Variants in CD52 observed in about 807,000 individuals in gnomAD.
The protein encoded by CD52 is CAMPATH-1 antigen.
CD52 carries 2 observed loss-of-function variants against 2.5 expected under a neutral mutation model. The observed-to-expected ratio is 0.79, with a 90% confidence interval of 0.32 to 2.48. CD52 has a LOEUF of 2.48. Ranked by LOEUF, CD52 falls within the 30% of genes most tolerant of loss-of-function variation. CD52 has a pLI of 0.11. For missense variants in CD52, 62 were observed against 75.8 expected (o/e 0.82, Z 0.68); for synonymous variants, 24 against 27.7 (o/e 0.87, Z 0.42).
At chr1:26,319,440 G>A (rs890965148) in intron 1 of CD52, among the ~76,000 whole-genome samples, 2 of 147,846 alleles carry the variant, frequency 1.4e-5, no homozygotes, top group Non-Finnish European at 3.0e-5. Flanking sequence ...GCCTGGGCGG[G>A]CGACAGAGCA....
At position 26,319,388 on chromosome 1, in the gene CD52, G is replaced by A. The variant is rs552067679; in HGVS notation, c.55-783G>A. On this transcript the variant is annotated intron_variant, in intron 1 of 1. Coordinates refer to ENST00000374213, the MANE Select transcript of CD52 (RefSeq NM_001803.3). ...GGCAGGAGAATGGCGTGAACCTGGG[G>A]GTGAAGCTTGCAGTGAGCCGAGATC... Among the ~76,000 whole-genome samples, 96 of 151,604 alleles carry A rather than the reference G, an allele frequency of 6.3e-4. 1 individual carries two copies. Among genetic ancestry groups the A allele is most frequent in the African/African-American group, 2.2e-3 (92 of 41,266 alleles).
At chr1:26,319,494 A>G (rs12143663) in intron 1 of CD52, among the ~76,000 whole-genome samples, 129,772 of 148,492 alleles carry the variant, frequency 0.87, 57,706 homozygotes, top group Non-Finnish European at 0.93. Flanking sequence ...TGGGCGTGAT[A>G]GCGGCTGCCT....
At chr1:26,318,233 C>T in intron 1 of CD52, 162 bp downstream of exon 1, 1 of 632,310 alleles carries the variant, frequency 1.6e-6, no homozygotes, top group Non-Finnish European at 2.8e-6. Context: ...CCTGGCCGCC[C>T]AGCCTTCCAG....
At chr1:26,320,089 C>T in intron 1 of CD52, 82 bp from the exon 2 acceptor site, 2 of 1,512,942 alleles carry the variant, frequency 1.3e-6, no homozygotes, top group Admixed American at 2.3e-5. Flanking sequence ...CACTGCAGTC[C>T]AGCCTGGGTG....
chr1:26,320,478 A>G lies in CD52; in HGVS notation c.*176A>G, dbSNP rs889936914. The G allele has an allele frequency of 6.8e-6, 5 of 736,780 alleles. No individual in the cohort carries two copies. The African/African-American group carries it at 9.0e-5, about 13-fold the overall frequency. 45.6% of individuals were successfully genotyped at this position (736,780 alleles called of 1,614,324 possible). A position where few individuals can be genotyped will look rare whatever the true frequency, so the allele number is the denominator to read the frequency against. On this transcript the variant is annotated 3_prime_UTR_variant, in exon 2 of 2. Transcript: ENST00000374213. ...ATAGGGGGGTAATGATGTAGGGGCCAAGCAGTGCCCAGCTGGGGGTCAATA... is the reference window on the plus strand; with the variant it reads ...ATAGGGGGGTAATGATGTAGGGGCCGAGCAGTGCCCAGCTGGGGGTCAATA...
chr1:26,319,662 C>T (rs908983869), intron 1 of CD52, among the ~76,000 whole-genome samples: 2 of 152,002 alleles, frequency 1.3e-5, no homozygotes, highest in Admixed American at 1.3e-4. Context: ...ACCTCTGTCC[C>T]TGCCTGTGTC....
chr1:26,320,146 T>C (rs2073839190), intron 1 of CD52, 25 bp from the exon 2 acceptor site: 1 of 1,592,534 alleles, frequency 6.3e-7, no homozygotes, highest in Admixed American at 1.8e-5. Context: ...AGTCCCCTGA[T>C]CTTATCCCAC....
rs2073819257 is a variant in CD52, at chr1:26,318,349, G to A, written c.54+278G>A. ...CTAGGCGCGTTGGGGCACCCAAGGG[G>A]TGTTGTGGAATAATAGAGAACTAAG... On this transcript the variant is annotated intron_variant, in intron 1 of 1. Coordinates refer to ENST00000374213, the MANE Select transcript of CD52 (RefSeq NM_001803.3). The A allele has an allele frequency of 1.5e-5, 6 of 412,260 alleles. 1 individual carries two copies. In the South Asian group the frequency reaches 2.2e-4, roughly 15 times the overall value. The allele number at this position is 412,260 out of a possible 1,614,324, so 25.5% of individuals were successfully genotyped here. A position where few individuals can be genotyped will look rare whatever the true frequency, so the allele number is the denominator to read the frequency against.
chr1:26,319,609 A>C (rs748655467), intron 1 of CD52, among the ~76,000 whole-genome samples: 9 of 152,032 alleles, frequency 5.9e-5, no homozygotes, highest in Non-Finnish European at 1.3e-4. Context: ...ATCTCAAAAA[A>C]ACAGAAAGTT....
intron 1 of CD52, among the ~76,000 whole-genome samples, chr1:26,319,473 A>AT (rs2073830389): frequency 6.6e-6 from 1 of 150,398 alleles, no homozygotes; most frequent in African/African-American, 2.4e-5. Flanking sequence ...GGAAAAAAAA[A>AT]AAAAATTAGC....
At chr1:26,319,270 T>C (rs1440632343) in intron 1 of CD52, among the ~76,000 whole-genome samples, 1 of 151,660 alleles carries the variant, frequency 6.6e-6, no homozygotes, top group Non-Finnish European at 1.5e-5. Flanking sequence ...GGCTAACACA[T>C]TGAAACCTCG....
At chr1:26,319,164 C>T (rs917392015) in intron 1 of CD52, among the ~76,000 whole-genome samples, 1 of 152,066 alleles carries the variant, frequency 6.6e-6, no homozygotes, top group African/African-American at 2.4e-5. Context: ...CAAAAATTAG[C>T]TGGGCGAGCC....
intron 1 of CD52, chr1:26,318,853 G>A (rs2073823282): frequency 6.6e-6 from 1 of 152,584 alleles, no homozygotes; most frequent in South Asian, 2.1e-4. Context: ...ACTCAGCCCT[G>A]GCTCATGTGA....
intron 1 of CD52, 31 bp from the exon 2 acceptor site, chr1:26,320,140 C>T (rs1448154519): frequency 6.3e-7 from 1 of 1,595,614 alleles, no homozygotes; most frequent in African/African-American, 1.4e-5. Context: ...AAAAAAAGTC[C>T]CCTGATCTTA....
chr1:26,320,406 C>T lies in CD52; in HGVS notation c.*104C>T. The T allele has an allele frequency of 1.4e-6, 2 of 1,444,568 alleles. No individual in the cohort carries two copies. Among genetic ancestry groups the T allele is most frequent in the Non-Finnish European group, 1.9e-6 (2 of 1,078,514 alleles). 89.5% of individuals were successfully genotyped at this position (1,444,568 alleles called of 1,614,324 possible). On this transcript the variant is annotated 3_prime_UTR_variant, in exon 2 of 2. Coordinates refer to ENST00000374213, the MANE Select transcript of CD52 (RefSeq NM_001803.3). ...TGGGAGGGGTTGATGCCAGACATCA[C>T]CAGGTTGTAGAAGTTGACAGGCAGT...
intron 1 of CD52, chr1:26,318,392 C>T: frequency 3.8e-6 from 1 of 262,836 alleles, no homozygotes; most frequent in South Asian, 7.1e-5. Flanking sequence ...GGAAGACAAC[C>T]CTGAGTGAGG....
chr1:26,320,121 A>T (rs2073838603), intron 1 of CD52, 50 bp from the exon 2 acceptor site: 3 of 167,420 alleles, frequency 1.8e-5, no homozygotes, highest in Admixed American at 7.0e-5. Context: ...CTCCACCTCT[A>T]AAAAAAAAAA....
intron 1 of CD52, chr1:26,318,292 T>G (rs113784914): frequency 1.7e-4 from 96 of 549,834 alleles, no homozygotes; most frequent in African/African-American, 1.6e-3. Context: ...GAGAGAAACC[T>G]GTATCCACAG....
In CD52 at chr1:26,320,195, A is replaced by G; in HGVS notation, c.79A>G (p.Asn27Asp). Residue 27 changes from asparagine to aspartate, a missense_variant, in exon 2 of 2, where the codon AAC (asparagine) becomes GAC (aspartate). Physicochemically the swap from Asn to Asp is conservative, Grantham distance 23. Coordinates refer to ENST00000374213, the MANE Select transcript of CD52 (RefSeq NM_001803.3). Reference sequence around the variant, plus strand: ...GATACAAACTGGACTCTCAGGACAAAACGACACCAGCCAAACCAGCAGCCC... The same window carrying G: ...GATACAAACTGGACTCTCAGGACAAGACGACACCAGCCAAACCAGCAGCCC... ...VQIQTGLSGQ[N>D]DTSQTSSPSA... The G allele has an allele frequency of 6.2e-7, 1 of 1,613,712 alleles. No individual in the cohort carries two copies.
Sources: gnomAD v4.1 joint callset for allele counts (sites outside exome capture counted in the v4.1 genomes callset) on GRCh38, gnomAD v4.1.1 for gene constraint, MANE v1.5 for transcripts, NCBI Gene and HGNC (gene_info 2026-07-23, HGNC 2026-07-21) for gene names.